RNF4: variants seen among roughly 807,000 people sequenced by gnomAD.
RNF4 encodes the protein E3 ubiquitin-protein ligase RNF4.
In RNF4, 7 loss-of-function variants were observed where a neutral mutation model predicts 24.3. The ratio of observed to expected loss-of-function variants is 0.29; its 90% confidence interval spans 0.16 to 0.54. The LOEUF (loss-of-function observed/expected upper bound fraction) is 0.54. Among genes scored for constraint, RNF4 ranks in the 20% least tolerant of loss-of-function variants. RNF4 has a pLI of 0.95. For missense variants in RNF4, 209 were observed against 248.5 expected (o/e 0.84, Z 1.07); for synonymous variants, 83 against 84.3 (o/e 0.98, Z 0.09).
rs1204286243 is a variant in RNF4 at position 2,475,027 on chromosome 4, CAAAAAA to C, written c.-158+5771_-158+5776del. ...GGGCAACAAGAGTGAAACTCCATCT[CAAAAAA>C]AGAAAAAGAAAAACTGTCACAGCTG... On this transcript the variant is annotated intron_variant, in intron 1 of 7. Coordinates refer to ENST00000314289, the MANE Select transcript of RNF4 (RefSeq NM_002938.5). 4.6e-5 allele frequency among the ~76,000 whole-genome samples: 7 copies of C among 151,980 alleles called. No individual in the cohort carries two copies. In the South Asian group the frequency reaches 8.3e-4, roughly 18 times the overall value.
At chr4:2,491,934 T>TGC (rs1735592219) in intron 2 of RNF4, among the ~76,000 whole-genome samples, 1 of 151,050 alleles carries the variant, frequency 6.6e-6, no homozygotes, top group African/African-American at 2.4e-5. Context: ...TGCGGTGGCT[T>TGC]ATGCCTGTAA....
intron 1 of RNF4, among the ~76,000 whole-genome samples, chr4:2,484,132 G>A (rs572874443): frequency 7.3e-6 from 1 of 136,430 alleles, no homozygotes; most frequent in East Asian, 2.2e-4. Flanking sequence ...CCTGACCCAG[G>A]TCTCTTATTT....
intron 2 of RNF4, among the ~76,000 whole-genome samples, chr4:2,494,270 T>C (rs938961693): frequency 5.3e-5 from 8 of 152,152 alleles, no homozygotes; most frequent in African/African-American, 1.9e-4. Context: ...GAGACAGGGT[T>C]ATTTATAACT....
intron 1 of RNF4, among the ~76,000 whole-genome samples, chr4:2,474,381 CAAAAAAA>C (rs35982596): frequency 1.9e-5 from 2 of 105,290 alleles, no homozygotes; most frequent in East Asian, 2.9e-4. Flanking sequence ...GACTCTGTCT[CAAAAAAA>C]AAAAAAAAAA....
intron 4 of RNF4, among the ~76,000 whole-genome samples, chr4:2,504,168 A>G (rs968069600): frequency 3.9e-5 from 6 of 152,264 alleles, no homozygotes; most frequent in African/African-American, 1.2e-4. Flanking sequence ...GGTAAGATGC[A>G]GTGAGAGACT....
intron 2 of RNF4, among the ~76,000 whole-genome samples, chr4:2,491,469 G>C (rs978352891): frequency 3.3e-5 from 5 of 152,018 alleles, no homozygotes; most frequent in Non-Finnish European, 1.5e-5. Flanking sequence ...TGTTTTTTGA[G>C]ATGGAGTCTG....
In RNF4 at chr4:2,514,720, G is replaced by C. The variant is rs183581536; in HGVS notation, c.*901G>C. 73 of 152,774 alleles carry C rather than the reference G, an allele frequency of 4.8e-4. No homozygotes were observed. Among genetic ancestry groups the C allele is most frequent in the African/African-American group, 1.5e-3 (64 of 41,554 alleles). 9.5% of individuals were successfully genotyped at this position (152,774 alleles called of 1,614,324 possible). ...CAGTCCTCAGTTCCCACTGCCTAAC[G>C]TCTGCCCCCGTGTAGATACTGAGAG... is the stretch of plus-strand genomic sequence containing the variant. On this transcript the variant is annotated 3_prime_UTR_variant, in exon 8 of 8. Transcript: ENST00000314289.
chr4:2,487,273 T>G (rs1341177064), intron 1 of RNF4, among the ~76,000 whole-genome samples: 1 of 151,732 alleles, frequency 6.6e-6, no homozygotes, highest in Non-Finnish European at 1.5e-5. Context: ...CATCTGGCTA[T>G]TTTTTTAATG....
intron 4 of RNF4, among the ~76,000 whole-genome samples, chr4:2,508,840 G>A (rs1442520856): frequency 2.7e-5 from 4 of 148,618 alleles, no homozygotes; most frequent in Admixed American, 6.8e-5. Context: ...TCAAACTCCC[G>A]ACCTCGGGTG....
Position 2,512,682 on chromosome 4 carries a change from C to G in RNF4, c.374+85C>G. ...AATACTTTTCAGCAAATCTGTGAGCCCTTGGCCCTGGAAGGGCTTGCCCAA... is the reference window on the plus strand; with the variant it reads ...AATACTTTTCAGCAAATCTGTGAGCGCTTGGCCCTGGAAGGGCTTGCCCAA... On this transcript the variant is annotated intron_variant, in intron 6 of 7. Transcript: ENST00000314289. This position sits in a 1 kb window ranked among gnomAD's most constrained non-coding sequence, Gnocchi z 4.1. 1 of 1,509,842 alleles carries G rather than the reference C, an allele frequency of 6.6e-7. No homozygotes were observed. The highest frequency in any genetic ancestry group is 1.4e-5 in the African/African-American group (1 of 72,454). The allele number at this position is 1,509,842 out of a possible 1,614,324, so 93.5% of individuals were successfully genotyped here.
chr4:2,479,602 C>G (rs190753872), intron 1 of RNF4, among the ~76,000 whole-genome samples: 327 of 152,286 alleles, frequency 2.1e-3, no homozygotes, highest in African/African-American at 7.1e-3. Context: ...ACGGGACTTA[C>G]TCCTCCTTGC....
rs748164674 is a variant in RNF4 at position 2,513,652 on chromosome 4, C to T, written c.424-18C>T. 6.2e-7 allele frequency: 1 copy of T among 1,612,454 alleles called. No homozygotes were observed. Among genetic ancestry groups the T allele is most frequent in the South Asian group, 1.1e-5 (1 of 91,022 alleles). The stretch of plus-strand genomic sequence containing the variant: ...GACAAGGGCAAACTCGGAGGCTCTT[C>T]TTTTTAATGCCTTCTAGATCGTGCA... On this transcript the variant is annotated intron_variant, in intron 7 of 7. Coordinates refer to ENST00000314289, the MANE Select transcript of RNF4 (RefSeq NM_002938.5).
At chr4:2,478,123 T>C (rs1169523952) in intron 1 of RNF4, among the ~76,000 whole-genome samples, 2 of 152,170 alleles carry the variant, frequency 1.3e-5, no homozygotes, top group Non-Finnish European at 2.9e-5. Flanking sequence ...GCCCCTGCCC[T>C]AGAGATTTGT....
intron 1 of RNF4, among the ~76,000 whole-genome samples, chr4:2,473,356 CCTGGGCAACAGT>C (rs1328004039): frequency 6.6e-6 from 1 of 152,080 alleles, no homozygotes; most frequent in Non-Finnish European, 1.5e-5. Context: ...TGCACTACAG[CCTGGGCAACAGT>C]GAGATTCCGT....
chr4:2,485,973 C>T (rs576344489), intron 1 of RNF4, among the ~76,000 whole-genome samples: 25 of 152,222 alleles, frequency 1.6e-4, no homozygotes, highest in Admixed American at 8.5e-4. Flanking sequence ...GTCAGTGTTC[C>T]CGCTAGTTTC....
chr4:2,503,926 A>G (rs1198174234), intron 4 of RNF4, among the ~76,000 whole-genome samples: 1 of 152,214 alleles, frequency 6.6e-6, no homozygotes, highest in Non-Finnish European at 1.5e-5. Flanking sequence ...GGTAGCCGTC[A>G]GAACATCAGG....
chr4:2,472,099 C>G (rs1734926107), intron 1 of RNF4, among the ~76,000 whole-genome samples: 1 of 152,086 alleles, frequency 6.6e-6, no homozygotes, highest in Admixed American at 6.5e-5. Context: ...AAAGGACAGT[C>G]TGATTCTCTT....
chr4:2,495,470 T>C (rs890544232), intron 2 of RNF4, among the ~76,000 whole-genome samples: 6 of 152,174 alleles, frequency 3.9e-5, no homozygotes, highest in Non-Finnish European at 5.9e-5. Context: ...TTAGACCTTA[T>C]AACAGCTCTG....
At chr4:2,501,825 C>G (rs1735919669) in intron 4 of RNF4, among the ~76,000 whole-genome samples, 1 of 152,130 alleles carries the variant, frequency 6.6e-6, no homozygotes, top group African/African-American at 2.4e-5. Context: ...GCCTGGGTAT[C>G]TGAATAGGGA....
Sources: allele counts gnomAD v4.1 joint callset (sites outside exome capture counted in the v4.1 genomes callset), GRCh38; gene constraint gnomAD v4.1.1; non-coding constraint Gnocchi (gnomAD v3.1); transcripts MANE v1.5; gene names NCBI Gene and HGNC (gene_info 2026-07-23, HGNC 2026-07-21).